The following FAM83D variants were observed in gnomAD, a reference collection of about 807,000 sequenced individuals.
FAM83D encodes the protein protein FAM83D.
A neutral mutation model predicts 25.4 loss-of-function variants in FAM83D; 26 were observed. The ratio of observed to expected loss-of-function variants is 1.02; its 90% CI spans 0.75 to 1.42. The LOEUF is 1.42. Among genes scored for constraint, FAM83D ranks in the 40% most tolerant of loss-of-function variants. FAM83D has a pLI of 0.00. For synonymous variants in FAM83D, 310 were observed against 318.5 expected, an observed-to-expected ratio of 0.97 and a Z score of 0.28; for missense variants, 740 against 758.1, an observed-to-expected ratio of 0.98 and a Z score of 0.28.
intron 1 of FAM83D, among the ~76,000 whole-genome samples, chr20:38,940,706 C>T (rs892319889): frequency 2.0e-5 from 3 of 152,134 alleles, no homozygotes; most frequent in Admixed American, 2.0e-4. Flanking sequence ...GGTTTGGACA[C>T]CCCCACTGCC....
intron 2 of FAM83D, among the ~76,000 whole-genome samples, chr20:38,945,601 G>A (rs763415040): frequency 2.4e-4 from 36 of 152,022 alleles, no homozygotes; most frequent in Admixed American, 1.4e-3. Flanking sequence ...TTCCACTAAT[G>A]CCCTTTTTTA....
intron 2 of FAM83D, among the ~76,000 whole-genome samples, chr20:38,944,192 C>A (rs912179764): frequency 6.6e-6 from 1 of 152,112 alleles, no homozygotes; most frequent in Non-Finnish European, 1.5e-5. Context: ...TAAGTTACTG[C>A]CTAAGAGACT....
At chr20:38,947,839 A>G in intron 2 of FAM83D, 37 bp from the exon 3 acceptor site, 2 of 1,610,080 alleles carry the variant, frequency 1.2e-6, no homozygotes, top group Non-Finnish European at 1.7e-6. Context: ...GTATTGCTGA[A>G]TTGTTCATTT....
rs1408759659 is a variant in FAM83D, at chr20:38,926,892, C to A, written c.450C>A (p.Asp150Glu). 6.1e-6 allele frequency: 9 copies of A among 1,486,500 alleles called. No individual in the cohort carries two copies. In the South Asian group the frequency reaches 1.2e-4, roughly 19 times the overall value. 92.1% of individuals were successfully genotyped at this position (1,486,500 alleles called of 1,614,324 possible). A position where few individuals can be genotyped will look rare whatever the true frequency, so the allele number is the denominator to read the frequency against. Residue 150 changes from aspartate to glutamate, a missense_variant, in exon 1 of 4, where the codon GAC becomes GAA. Transcript: ENST00000619850. Reference sequence around the variant, plus strand: ...AAGGTGGCCCCTACGGCTGCAAGGACGCTCTGCGCCAGCAGCTCCGCTCGG... The same window carrying A: ...AAGGTGGCCCCTACGGCTGCAAGGAAGCTCTGCGCCAGCAGCTCCGCTCGG... ...AGEGGPYGCK[D>E]ALRQQLRSAR...
chr20:38,952,513 A>G lies in FAM83D; in HGVS notation c.1751A>G (p.Tyr584Cys), dbSNP rs775641854. Residue 584 changes from tyrosine to cysteine, a missense_variant, in exon 4 of 4, where the codon TAT becomes TGT. By Grantham distance (194) the Tyr-to-Cys change is radical. Around this residue, in one of 3 missense-constraint regions of FAM83D, gnomAD observed 375 missense variants for 403.2 expected, o/e 0.93. Coordinates refer to ENST00000619850, the MANE Select transcript of FAM83D (RefSeq NM_030919.3). ...AGAGATGTAGCACTTTATCCTTCCTATCAGTAACTGCTCCGTGTTCAGACT... is the reference window on the plus strand; with the variant it reads ...AGAGATGTAGCACTTTATCCTTCCTGTCAGTAACTGCTCCGTGTTCAGACT... ...AVRDVALYPSYQ is the reference protein window; with the variant it reads ...AVRDVALYPSCQ 3 of 1,611,664 alleles carry G rather than the reference A, an allele frequency of 1.9e-6. No individual in the cohort carries two copies. The highest frequency in any genetic ancestry group is 1.7e-6 in the Non-Finnish European group (2 of 1,178,352).
chr20:38,933,116 A>C (rs1439505549), intron 1 of FAM83D, among the ~76,000 whole-genome samples: 1 of 152,200 alleles, frequency 6.6e-6, no homozygotes, highest in Non-Finnish European at 1.5e-5. Flanking sequence ...TCTCACCCTC[A>C]GCACTGTTGA....
At chr20:38,929,901 TAGAGAAG>T (rs2085652144) in intron 1 of FAM83D, among the ~76,000 whole-genome samples, 1 of 151,930 alleles carries the variant, frequency 6.6e-6, no homozygotes, top group Non-Finnish European at 1.5e-5. Flanking sequence ...AACTGAGGCA[TAGAGAAG>T]TTAAGTGGCC....
intron 1 of FAM83D, among the ~76,000 whole-genome samples, chr20:38,939,123 A>G (rs2060077974): frequency 6.6e-6 from 1 of 152,106 alleles, no homozygotes; most frequent in Non-Finnish European, 1.5e-5. Context: ...AGACTGGTAC[A>G]TACCCCGTCA....
chr20:38,949,164 C>CTT (rs11428579), intron 3 of FAM83D, among the ~76,000 whole-genome samples: 3,955 of 141,310 alleles, frequency 0.028, 178 homozygotes, highest in African/African-American at 0.093. Flanking sequence ...TGAAGGCTTT[C>CTT]TTTTTTTTTT....
At chr20:38,940,042 G>A (rs1340728803) in intron 1 of FAM83D, among the ~76,000 whole-genome samples, 11 of 152,186 alleles carry the variant, frequency 7.2e-5, no homozygotes, top group Admixed American at 5.2e-4. Context: ...TGTATGACCC[G>A]AATGAGTGGG....
In FAM83D at chr20:38,935,565, C is replaced by A. The variant is rs140510436; in HGVS notation, c.484-6394C>A. Among the ~76,000 whole-genome samples the A allele has an allele frequency of 2.1e-3, 322 of 152,312 alleles. 1 individual carries two copies. The highest frequency in any genetic ancestry group is 6.8e-3 in the Middle Eastern group (2 of 294). On this transcript the variant is annotated intron_variant, in intron 1 of 3. Transcript: ENST00000619850. ...TCAAGTAATCCTCCTGCCTCAGACTCCCGAGTAACTGGGACTTAAAGGCAC... is the reference window on the plus strand; with the variant it reads ...TCAAGTAATCCTCCTGCCTCAGACTACCGAGTAACTGGGACTTAAAGGCAC...
Position 38,952,260 on chromosome 20 carries a change from ACT to A in FAM83D, c.1499_1500del (p.Thr500ArgfsTer22). On this transcript the variant is annotated frameshift_variant, in exon 4 of 4. Coordinates refer to ENST00000619850, the MANE Select transcript of FAM83D (RefSeq NM_030919.3). LOFTEE classifies it low-confidence loss of function (END_TRUNC). ...TGGTTCTCCCGCTTCCATCAGAACC[ACT>A]GACTTCCACAATCCTGGCTATCCCA... ...STGSPASIRT[T>X]DFHNPGYPKY... is the part of the protein sequence containing the mutation. 1 of 1,614,160 alleles carries A rather than the reference ACT, an allele frequency of 6.2e-7. No individual in the cohort carries two copies. The highest frequency in any genetic ancestry group is 8.5e-7 in the Non-Finnish European group (1 of 1,180,030).
In FAM83D at chr20:38,947,936, A is replaced by T. The variant is rs527973542; in HGVS notation, c.712A>T (p.Ile238Phe). The T allele has an allele frequency of 1.2e-6, 2 of 1,614,226 alleles. No homozygotes were observed. Among genetic ancestry groups the T allele is most frequent in the African/African-American group, 2.7e-5 (2 of 75,062 alleles). The change falls in exon 3 of 4, where the codon ATT becomes TTT. Residue 238 changes from isoleucine (I) to phenylalanine (F), a missense_variant. Physicochemically the swap from Ile to Phe is conservative, Grantham distance 21. Transcript: ENST00000619850. ...IYYARSGTKI[I>F]GKVHEKFTLI... ...CTATGCAAGGTCAGGAACTAAGATT[A>T]TTGGGAAGGTTCACGAAAAGTTCAC...
intron 1 of FAM83D, among the ~76,000 whole-genome samples, chr20:38,928,820 T>C (rs2085647343): frequency 6.6e-6 from 1 of 152,280 alleles, no homozygotes; most frequent in East Asian, 1.9e-4. Flanking sequence ...CACAGTTCCC[T>C]CCGAGATGCT....
chr20:38,952,885 A>C lies in FAM83D; in HGVS notation c.*365A>C. ...TCTGTGTTTAGATACAAATACCATTATGTTACAGTTGCCTACAGTATTCAG... is the reference window on the plus strand; with the variant it reads ...TCTGTGTTTAGATACAAATACCATTCTGTTACAGTTGCCTACAGTATTCAG... On this transcript the variant is annotated 3_prime_UTR_variant, in exon 4 of 4. Transcript: ENST00000619850. The C allele has an allele frequency of 4.2e-6, 1 of 238,064 alleles. No homozygotes were observed. The highest frequency in any genetic ancestry group is 8.2e-6 in the Non-Finnish European group (1 of 121,748). 14.7% of individuals were successfully genotyped at this position (238,064 alleles called of 1,614,324 possible).
chr20:38,927,572 C>A (rs376349864), intron 1 of FAM83D, among the ~76,000 whole-genome samples: 1 of 126,186 alleles, frequency 7.9e-6, no homozygotes, highest in Non-Finnish European at 1.6e-5. Context: ...GATCTCAGTT[C>A]ACTGCAACCT....
At chr20:38,928,793 G>T (rs1037937336) in intron 1 of FAM83D, among the ~76,000 whole-genome samples, 2 of 152,168 alleles carry the variant, frequency 1.3e-5, no homozygotes, top group South Asian at 2.1e-4. Context: ...AGAACCTGCT[G>T]CCCTAGTCTA....
intron 1 of FAM83D, among the ~76,000 whole-genome samples, chr20:38,938,876 C>A (rs2085689724): frequency 6.6e-6 from 1 of 152,190 alleles, no homozygotes; most frequent in South Asian, 2.1e-4. Context: ...TGTTGCAGGT[C>A]CTGTGTTGGA....
intron 3 of FAM83D, among the ~76,000 whole-genome samples, chr20:38,948,497 T>C (rs148909268): frequency 6.6e-6 from 1 of 152,338 alleles, no homozygotes; most frequent in East Asian, 1.9e-4. Flanking sequence ...TAGAAAATAC[T>C]GATTATGTTT....
Sources: allele counts gnomAD v4.1 joint callset (sites outside exome capture counted in the v4.1 genomes callset), GRCh38; gene constraint gnomAD v4.1.1; regional missense constraint gnomAD v4.1.1; transcripts MANE v1.5; gene names NCBI Gene and HGNC (gene_info 2026-07-23, HGNC 2026-07-21).